The following TRPC5 variants were observed in gnomAD, a reference collection of about 807,000 sequenced individuals.
TRPC5 encodes short transient receptor potential channel 5.
TRPC5 carries 9 observed loss-of-function variants against 56.5 expected under a neutral mutation model. The ratio of observed to expected loss-of-function variants is 0.16; its 90% CI spans 0.10 to 0.28. The LOEUF is 0.28. TRPC5 is among the 10% of genes least tolerant of loss of function. The pLI, the probability that TRPC5 is intolerant of heterozygous loss-of-function variation, is 1.00. For missense variants in TRPC5, 469 were observed against 748.9 expected, an observed-to-expected ratio of 0.63 and a Z score of 4.36; for synonymous variants, 282 against 278.5, an observed-to-expected ratio of 1.01 and a Z score of -0.13.
chrX:111,944,307 A>C, intron 2 of TRPC5, among the ~76,000 whole-genome samples: 1 of 56,619 alleles, frequency 1.8e-5, no homozygotes, highest in East Asian at 4.0e-4. Flanking sequence ...TGTGTGTGAG[A>C]GAGAGAGAGA....
intron 1 of TRPC5, among the ~76,000 whole-genome samples, chrX:112,078,173 C>T (rs1304780126): frequency 8.9e-6 from 1 of 111,804 alleles, no homozygotes; most frequent in Non-Finnish European, 1.9e-5. Context: ...TAGCTATAGA[C>T]ACATATAATG....
chrX:111,945,500 C>A (rs981166568), intron 2 of TRPC5, among the ~76,000 whole-genome samples: 1 of 110,043 alleles, frequency 9.1e-6, no homozygotes, highest in Non-Finnish European at 1.9e-5. Context: ...CGCACACACA[C>A]CGACATACAT....
intron 1 of TRPC5, among the ~76,000 whole-genome samples, chrX:112,064,353 T>C (rs1033900426): frequency 2.7e-5 from 3 of 112,136 alleles, no homozygotes; most frequent in African/African-American, 9.7e-5. Context: ...TTTAAAATTC[T>C]TCTTTCTTTT....
At chrX:111,851,373 A>T (rs947849876) in intron 5 of TRPC5, among the ~76,000 whole-genome samples, 14 of 111,723 alleles carry the variant, frequency 1.3e-4, no homozygotes, top group Non-Finnish European at 2.4e-4. Flanking sequence ...TCAGGCTACA[A>T]GGAGGACAGC....
At position 111,793,862 on chromosome X, in the gene TRPC5, T is replaced by C. The variant is rs373716850; in HGVS notation, c.1897-11724A>G. Among the ~76,000 whole-genome samples, 3 of 112,153 alleles carry C rather than the reference T, an allele frequency of 2.7e-5. No individual in the cohort carries two copies. The East Asian group carries it at 8.4e-4, about 31-fold the overall frequency. On this transcript the variant is annotated intron_variant, in intron 7 of 10. Transcript: ENST00000262839. ...GGCACATTCATACAATGAAATATAA[T>C]CTGGCATTAAAGAGGAATGAAGCAC...
intron 7 of TRPC5, among the ~76,000 whole-genome samples, chrX:111,806,185 G>C (rs1321616918): frequency 1.8e-5 from 2 of 111,726 alleles, no homozygotes; most frequent in Admixed American, 9.5e-5. Context: ...TATTTGATAA[G>C]TCTTAGTAAA....
chrX:111,877,199 A>G (rs1923990095), intron 3 of TRPC5, among the ~76,000 whole-genome samples: 1 of 111,778 alleles, frequency 8.9e-6, no homozygotes. Flanking sequence ...GTGGAAGTTG[A>G]AAGGAAGTGA....
chrX:111,943,929 CTAAGT>C (rs1173195586), intron 2 of TRPC5, among the ~76,000 whole-genome samples: 1 of 112,257 alleles, frequency 8.9e-6, no homozygotes, highest in Non-Finnish European at 1.9e-5. Context: ...ATACGACATG[CTAAGT>C]CAAATGGATG....
At chrX:112,079,911 C>T (rs914447039) in intron 1 of TRPC5, among the ~76,000 whole-genome samples, 1 of 111,804 alleles carries the variant, frequency 8.9e-6, no homozygotes, top group African/African-American at 3.3e-5. Flanking sequence ...CAGATACTCA[C>T]ATCACCAAGA....
At chrX:111,786,741 C>CA (rs1293223338) in intron 7 of TRPC5, among the ~76,000 whole-genome samples, 47 of 105,928 alleles carry the variant, frequency 4.4e-4, no homozygotes, top group East Asian at 3.5e-3. Flanking sequence ...AAATGGAAAG[C>CA]AAAAAAAAAG....
chrX:111,878,629 G>T (rs1924066965), intron 3 of TRPC5, among the ~76,000 whole-genome samples: 1 of 111,521 alleles, frequency 9.0e-6, no homozygotes. Context: ...ATTGACAATG[G>T]CACCTCCCCT....
At chrX:112,017,890 C>T (rs1006859851) in intron 1 of TRPC5, among the ~76,000 whole-genome samples, 11 of 111,880 alleles carry the variant, frequency 9.8e-5, no homozygotes, top group African/African-American at 3.6e-4. Flanking sequence ...CTATTGAGCA[C>T]TTAAAGTGTG....
At chrX:112,037,982 T>C (rs1198009669) in intron 1 of TRPC5, among the ~76,000 whole-genome samples, 1 of 111,673 alleles carries the variant, frequency 9.0e-6, no homozygotes, top group Admixed American at 9.5e-5. Flanking sequence ...CCCAGAAGCA[T>C]ACAAAATATG....
intron 1 of TRPC5, among the ~76,000 whole-genome samples, chrX:112,037,249 G>A: frequency 9.0e-6 from 1 of 111,076 alleles, no homozygotes. Flanking sequence ...TTACCTGGTG[G>A]ATCTTCTCTT....
At chrX:111,818,635 C>T (rs748809058) in intron 7 of TRPC5, among the ~76,000 whole-genome samples, 13 of 99,864 alleles carry the variant, frequency 1.3e-4, no homozygotes, top group African/African-American at 3.0e-4. Flanking sequence ...GACAGAGTCT[C>T]GCTCTGTCAC....
At chrX:111,917,066 T>C (rs1925999381) in intron 2 of TRPC5, among the ~76,000 whole-genome samples, 3 of 112,609 alleles carry the variant, frequency 2.7e-5, no homozygotes, top group East Asian at 2.8e-4. Context: ...TTGGCCACAG[T>C]GTGGGAAATG....
intron 1 of TRPC5, among the ~76,000 whole-genome samples, chrX:112,042,096 T>C (rs1428918652): frequency 8.9e-6 from 1 of 111,738 alleles, no homozygotes; most frequent in Non-Finnish European, 1.9e-5. Context: ...GTGTTAAGGA[T>C]TATAAACTAA....
intron 2 of TRPC5, among the ~76,000 whole-genome samples, chrX:111,942,840 G>T (rs1382421131): frequency 1.8e-5 from 2 of 112,102 alleles, no homozygotes; most frequent in African/African-American, 6.5e-5. Flanking sequence ...AAACCTATTT[G>T]TCATGTAAGG....
chrX:111,867,414 G>A (rs902672561), intron 3 of TRPC5, among the ~76,000 whole-genome samples: 1 of 111,895 alleles, frequency 8.9e-6, no homozygotes, highest in East Asian at 2.8e-4. Context: ...CTAAGAAAAG[G>A]CTGCGGTGAA....
Sources: allele counts gnomAD v4.1 joint callset (sites outside exome capture counted in the v4.1 genomes callset), GRCh38; gene constraint gnomAD v4.1.1; transcripts MANE v1.5; gene names NCBI Gene and HGNC (gene_info 2026-07-23, HGNC 2026-07-21).